EPHA1: variants seen among roughly 807,000 people sequenced by gnomAD.
EPHA1 encodes ephrin type-A receptor 1.
In EPHA1, 92 loss-of-function variants were observed where a neutral mutation model predicts 110.1. The ratio of observed to expected loss-of-function variants is 0.84; its 90% confidence interval spans 0.71 to 0.99. EPHA1 has a LOEUF of 0.99. EPHA1 is among the 50% of genes least tolerant of loss of function. The pLI is 0.00. For synonymous variants in EPHA1, 500 were observed against 516.1 expected (o/e 0.97, Z 0.42); for missense variants, 1,204 against 1,285.4 (o/e 0.94, Z 0.97).
chr7:143,398,680 C>G lies in EPHA1; in HGVS notation c.1257G>C (p.Val419=). ...LEPYANYTFN[V]EAQNGVSGLG... is the part of the protein sequence containing the mutation. ...GCCCTGACACTCCATTTTGGGCTTC[C>G]ACATTAAAGGTGTAGTTGGCATAAG... Residue 419 remains valine, a synonymous_variant, in exon 6 of 18, where the codon GTG becomes GTC. Transcript: ENST00000275815. The G allele has an allele frequency of 6.2e-7, 1 of 1,614,108 alleles. No individual in the cohort carries two copies. Among genetic ancestry groups the G allele is most frequent in the Non-Finnish European group, 8.5e-7 (1 of 1,179,992 alleles).
Position 143,394,867 on chromosome 7 carries a change from C to G in EPHA1, c.2293G>C (p.Val765Leu), listed in dbSNP as rs1470816324. The G allele has an allele frequency of 6.2e-7, 1 of 1,614,022 alleles. No individual in the cohort carries two copies. The highest frequency in any genetic ancestry group is 1.3e-5 in the African/African-American group (1 of 74,916). Residue 765 changes from valine (V) to leucine (L), a missense_variant, in exon 14 of 18, where the codon GTG (valine) becomes CTG (leucine). Val to Leu is a conservative substitution (Grantham distance 32, BLOSUM62 1). Coordinates refer to ENST00000275815, the MANE Select transcript of EPHA1 (RefSeq NM_005232.5). The stretch of plus-strand genomic sequence containing the variant: ...AGGCGAGTCAGGCCAAAGTCAGACA[C>G]CTTGCAGCACAGGTTTTGATTCACC... ...ILVNQNLCCKVSDFGLTRLLD... is the reference protein window; with the variant it reads ...ILVNQNLCCKLSDFGLTRLLD...
intron 5 of EPHA1, 104 bp from the exon 6 acceptor site, chr7:143,399,049 CT>C: frequency 8.0e-7 from 1 of 1,252,548 alleles, no homozygotes; most frequent in Non-Finnish European, 1.1e-6. Context: ...CTCTGAAGTC[CT>C]CTTGGGGAGA....
At position 143,393,636 on chromosome 7, in the gene EPHA1, C is replaced by T. The variant is rs1332851527; in HGVS notation, c.2696+35G>A. On this transcript the variant is annotated intron_variant, in intron 16 of 17. Transcript: ENST00000275815. This position sits in a 1 kb window ranked among gnomAD's most constrained non-coding sequence, Gnocchi z 5.6. The stretch of plus-strand genomic sequence containing the variant: ...CCCATTTCCACTCTCCTAGCGCTGC[C>T]TCTGGGTTCCCTAGTCCTTCCCCTG... The T allele has an allele frequency of 5.6e-6, 9 of 1,606,398 alleles. No homozygotes were observed. The highest frequency in any genetic ancestry group is 7.7e-6 in the Non-Finnish European group (9 of 1,176,386).
At chr7:143,397,522 C>G in intron 9 of EPHA1, 39 bp downstream of exon 9, 1 of 1,611,834 alleles carries the variant, frequency 6.2e-7, no homozygotes, top group Middle Eastern at 1.7e-4. Flanking sequence ...GGGCTTCTGA[C>G]CCAGGGCTGG....
Position 143,393,540 on chromosome 7 carries a change from C to T in EPHA1, c.2696+131G>A, listed in dbSNP as rs748783666. On this transcript the variant is annotated intron_variant, in intron 16 of 17. Transcript: ENST00000275815. The surrounding 1 kb of genome is among the most constrained non-coding windows in gnomAD (Gnocchi z 5.6). ...ACCTCTTGGACTCTCCCCAAGGGCA[C>T]GTCTTGCCTCATACACTGGACTTGG... 10 of 983,928 alleles carry T rather than the reference C, an allele frequency of 1.0e-5. No homozygotes were observed. Among genetic ancestry groups the T allele is most frequent in the Non-Finnish European group, 1.3e-5 (9 of 678,628 alleles). The allele number at this position is 983,928 out of a possible 1,614,324, so 60.9% of individuals were successfully genotyped here.
At chr7:143,394,390 G>A in intron 14 of EPHA1, 47 bp from the exon 15 acceptor site, 3 of 1,558,462 alleles carry the variant, frequency 1.9e-6, no homozygotes, top group Non-Finnish European at 2.6e-6. Flanking sequence ...GTGTCCACCT[G>A]AGCACGAGTC....
chr7:143,399,494 C>A, intron 4 of EPHA1, 81 bp from the exon 5 acceptor site: 1 of 1,543,632 alleles, frequency 6.5e-7, no homozygotes, highest in South Asian at 1.3e-5. Flanking sequence ...CTGCCCCAAT[C>A]CCTTCTACTG....
chr7:143,397,430 T>A, intron 9 of EPHA1, 68 bp from the exon 10 acceptor site: 4 of 1,565,730 alleles, frequency 2.6e-6, no homozygotes. Flanking sequence ...GGACTCTGGC[T>A]GAATCTTCCC....
rs1381290223 is a variant in EPHA1 at position 143,397,627 on chromosome 7, A to G, written c.1646T>C (p.Val549Ala). 7 of 1,614,088 alleles carry G rather than the reference A, an allele frequency of 4.3e-6. No homozygotes were observed. The highest frequency in any genetic ancestry group is 5.9e-6 in the Non-Finnish European group (7 of 1,180,042). Reference protein sequence around the residue: ...VSRGLTGGEIVAVIFGLLLGA... With the variant: ...VSRGLTGGEIAAVIFGLLLGA... ...AAGCAGCAGCCCAAAGATGACGGCT[A>G]CAATCTCTCCTCCAGTCAGGCCCCT... Residue 549 changes from valine to alanine, a missense_variant, in exon 9 of 18, where the codon GTA (valine) becomes GCA (alanine). By Grantham distance (64) the Val-to-Ala change is moderately conservative. Transcript: ENST00000275815.
chr7:143,394,482 G>A (rs1356968904), intron 14 of EPHA1, 139 bp from the exon 15 acceptor site: 16 of 1,087,242 alleles, frequency 1.5e-5, no homozygotes, highest in Admixed American at 5.7e-5. Flanking sequence ...GTGCAGTGGC[G>A]CAATCTCGGC....
intron 14 of EPHA1, 35 bp downstream of exon 14, chr7:143,394,773 T>C (rs1443793030): frequency 1.2e-6 from 2 of 1,611,454 alleles, no homozygotes; most frequent in Middle Eastern, 3.3e-4. Context: ...TACGGGGCAA[T>C]GTGAATGTGC....
rs1221511235 is a variant in EPHA1 at position 143,396,502 on chromosome 7, G to T, written c.1780C>A (p.Leu594Met). ...AGGTCCACATAAGGCTTCAGCCACA[G>T]CTTGTCCTCTATGGGCAGAACATGA... ...RATDVDREDK[L>M]WLKPYVDLQA... Residue 594 changes from leucine (L) to methionine (M), a missense_variant, in exon 11 of 18, where the codon CTG (leucine) becomes ATG (methionine). Leu to Met is a conservative substitution (Grantham distance 15, BLOSUM62 2). Transcript: ENST00000275815. 2.5e-6 allele frequency: 4 copies of T among 1,613,828 alleles called. No individual in the cohort carries two copies. Among genetic ancestry groups the T allele is most frequent in the Non-Finnish European group, 3.4e-6 (4 of 1,179,918 alleles).
chr7:143,404,438 C>T (rs1805492609), intron 2 of EPHA1, among the ~76,000 whole-genome samples: 3 of 151,994 alleles, frequency 2.0e-5, no homozygotes, highest in South Asian at 2.1e-4. Flanking sequence ...AGGATGGTCT[C>T]GATCTCCTGA....
Position 143,398,747 on chromosome 7 carries a change from C to CG in EPHA1, c.1189dup (p.Arg397ProfsTer14), listed in dbSNP as rs1358133676. ...ATGCACTGCAGGTGTGGTGAGCCCC[C>CG]GGGCCCCCGGCGAGAAGTGCACGCC... On this transcript the variant is annotated frameshift_variant, in exon 6 of 18. Coordinates refer to ENST00000275815, the MANE Select transcript of EPHA1 (RefSeq NM_005232.5). LOFTEE classifies it high-confidence loss of function. 2 of 1,613,824 alleles carry CG rather than the reference C, an allele frequency of 1.2e-6. No individual in the cohort carries two copies. The highest frequency in any genetic ancestry group is 1.7e-6 in the Non-Finnish European group (2 of 1,179,966).
At position 143,391,448 on chromosome 7, in the gene EPHA1, G is replaced by C. The variant is rs1471051225; in HGVS notation, c.*9C>G. 6.2e-7 allele frequency: 1 copy of C among 1,613,874 alleles called. No individual in the cohort carries two copies. Among genetic ancestry groups the C allele is most frequent in the African/African-American group, 1.3e-5 (1 of 74,906 alleles). On this transcript the variant is annotated 3_prime_UTR_variant, in exon 18 of 18. Transcript: ENST00000275815. The stretch of plus-strand genomic sequence containing the variant: ...TGCACCCTGATTGGGCATGGGGTGA[G>C]AGGAGGGATCAGTCCTTGAATCCCT...
At position 143,394,323 on chromosome 7, in the gene EPHA1, A is replaced by G. The variant is rs201338212; in HGVS notation, c.2373T>C (p.Arg791=). The change falls in exon 15 of 18, where the codon CGT becomes CGC. Residue 791 remains arginine, a synonymous_variant. Transcript: ENST00000275815. ...GGGCAATGGCTTCAGGGGCTGTCCAACGGATAGGGATCTTTCCTCCCTAAG... is the reference window on the plus strand; with the variant it reads ...GGGCAATGGCTTCAGGGGCTGTCCAGCGGATAGGGATCTTTCCTCCCTAAG... ...YETQGGKIPI[R]WTAPEAIAHR... 4.8e-5 allele frequency: 78 copies of G among 1,614,064 alleles called. No individual in the cohort carries two copies. In the East Asian group the frequency reaches 1.6e-3, roughly 34 times the overall value.
chr7:143,392,485 G>T (rs1190745165), intron 16 of EPHA1, among the ~76,000 whole-genome samples: 1 of 152,190 alleles, frequency 6.6e-6, no homozygotes, highest in Non-Finnish European at 1.5e-5. Context: ...GAGGCCAGTT[G>T]GCCAGGCTGG....
chr7:143,398,704 A>C lies in EPHA1; in HGVS notation c.1233T>G (p.Pro411=), dbSNP rs774082082. 1.1e-4 allele frequency: 181 copies of C among 1,614,092 alleles called. No individual in the cohort carries two copies. The highest frequency in any genetic ancestry group is 1.5e-4 in the Non-Finnish European group (181 of 1,179,996). The change falls in exon 6 of 18, where the codon CCT becomes CCG. Residue 411 remains proline, a synonymous_variant. Transcript: ENST00000275815. ...TPAVHVNGLE[P]YANYTFNVEA... ...CCACATTAAAGGTGTAGTTGGCATA[A>C]GGTTCAAGGCCATTGACATGCACTG...
chr7:143,398,596 C>T lies in EPHA1; in HGVS notation c.1336+5G>A. 1 of 1,612,076 alleles carries T rather than the reference C, an allele frequency of 6.2e-7. No individual in the cohort carries two copies. Among genetic ancestry groups the T allele is most frequent in the Non-Finnish European group, 8.5e-7 (1 of 1,178,524 alleles). ...TCCCTGTCCCAGCCCCTCTCAGCCTCTCACCTGCATGCCCCATGCTGATGC... is the reference window on the plus strand; with the variant it reads ...TCCCTGTCCCAGCCCCTCTCAGCCTTTCACCTGCATGCCCCATGCTGATGC... On this transcript the variant is annotated splice_donor_5th_base_variant and intron_variant, in intron 6 of 17. Transcript: ENST00000275815.
Sources: gnomAD v4.1 joint callset for allele counts (sites outside exome capture counted in the v4.1 genomes callset) on GRCh38, gnomAD v4.1.1 for gene constraint, Gnocchi (gnomAD v3.1) non-coding constraint, MANE v1.5 for transcripts, NCBI Gene and HGNC (gene_info 2026-07-23, HGNC 2026-07-21) for gene names.